The following SLC2A13 variants were observed in gnomAD, a reference collection of about 807,000 sequenced individuals.
SLC2A13 encodes the protein proton myo-inositol cotransporter.
A neutral mutation model predicts 64.4 loss-of-function variants in SLC2A13; 32 were observed. The observed-to-expected ratio is 0.50, with a 90% CI of 0.37 to 0.67. SLC2A13 has a LOEUF of 0.67. Among genes scored for constraint, SLC2A13 ranks in the 30% least tolerant of loss-of-function variants. The pLI is 0.00. For synonymous variants in SLC2A13, 338 were observed against 327.1 expected (o/e 1.03, Z -0.36); for missense variants, 743 against 829.2 (o/e 0.90, Z 1.28).
chr12:40,065,421 GAA>G (rs67773532), intron 1 of SLC2A13, among the ~76,000 whole-genome samples: 3 of 134,662 alleles, frequency 2.2e-5, no homozygotes, highest in Admixed American at 1.5e-4. Flanking sequence ...ATCTTTACAA[GAA>G]AAAAAAAAAA....
intron 6 of SLC2A13, among the ~76,000 whole-genome samples, chr12:39,859,259 A>C (rs1028206387): frequency 6.8e-6 from 1 of 146,372 alleles, no homozygotes; most frequent in African/African-American, 2.6e-5. Flanking sequence ...ATGTTCAAGA[A>C]GCAAAAAACA....
At position 39,951,317 on chromosome 12, in the gene SLC2A13, G is replaced by A; in HGVS notation, c.974C>T (p.Ala325Val). The change falls in exon 4 of 10, where the codon GCT (alanine) becomes GTT (valine). Residue 325 changes from alanine to valine, a missense_variant. Ala to Val is a moderately conservative substitution (Grantham distance 64). Coordinates refer to ENST00000280871, the MANE Select transcript of SLC2A13 (RefSeq NM_052885.4). ...RMLSYPPTRR[A>V]LIVGCGLQMF... ...TTGTAGGCCACAACCCACAATTAAA[G>A]CTCGGCGAGTTGGGGGATAACTCAG... The A allele has an allele frequency of 6.2e-7, 1 of 1,611,778 alleles. No homozygotes were observed. The highest frequency in any genetic ancestry group is 8.5e-7 in the Non-Finnish European group (1 of 1,178,752).
At chr12:39,804,757 T>C (rs1941912045) in intron 7 of SLC2A13, among the ~76,000 whole-genome samples, 1 of 152,116 alleles carries the variant, frequency 6.6e-6, no homozygotes, top group Non-Finnish European at 1.5e-5. Flanking sequence ...GGAGCTTACA[T>C]TCTAGAAAAT....
chr12:39,757,481 A>C lies in SLC2A13; in HGVS notation c.*2545T>G. The C allele has an allele frequency of 6.6e-6, 1 of 151,794 alleles. No individual in the cohort carries two copies. Among genetic ancestry groups the C allele is most frequent in the Non-Finnish European group, 1.5e-5 (1 of 67,700 alleles). The allele number at this position is 151,794 out of a possible 1,614,324, so 9.4% of individuals were successfully genotyped here. The stretch of plus-strand genomic sequence containing the variant: ...AAACATTTAATTTTTAATATACTAT[A>C]AATGTTCACCAAATCTAAAAATAAT... On this transcript the variant is annotated 3_prime_UTR_variant, in exon 10 of 10. Coordinates refer to ENST00000280871, the MANE Select transcript of SLC2A13 (RefSeq NM_052885.4).
chr12:39,788,496 A>G (rs551274366), intron 7 of SLC2A13: 1 of 152,204 alleles, frequency 6.6e-6, no homozygotes, highest in Non-Finnish European at 1.5e-5. Flanking sequence ...AGATGATTTC[A>G]TCACACTACT....
intron 1 of SLC2A13, among the ~76,000 whole-genome samples, chr12:40,081,330 T>A (rs949867260): frequency 4.6e-5 from 7 of 152,238 alleles, no homozygotes; most frequent in African/African-American, 1.4e-4. Flanking sequence ...CTTTCTCGAA[T>A]GTAAATGAGT....
At chr12:39,948,527 A>T (rs1341388579) in intron 4 of SLC2A13, among the ~76,000 whole-genome samples, 3 of 152,126 alleles carry the variant, frequency 2.0e-5, no homozygotes, top group Admixed American at 2.0e-4. Flanking sequence ...ATATAACACA[A>T]CTGTGAGGAT....
chr12:39,783,292 C>T lies in SLC2A13; in HGVS notation c.1446-18434G>A, dbSNP rs150877829. On this transcript the variant is annotated intron_variant, in intron 7 of 9. Transcript: ENST00000280871. Reference sequence around the variant, plus strand: ...TCACTGATGGACATTTGGGTTGGTTCCAAGTCTTTGCTATTGTGAATAGTG... The same window carrying T: ...TCACTGATGGACATTTGGGTTGGTTTCAAGTCTTTGCTATTGTGAATAGTG... Among the ~76,000 whole-genome samples, 518 of 152,298 alleles carry T rather than the reference C, an allele frequency of 3.4e-3. 7 individuals are homozygous for T. Among genetic ancestry groups the T allele is most frequent in the African/African-American group, 0.012 (504 of 41,546 alleles).
intron 3 of SLC2A13, among the ~76,000 whole-genome samples, chr12:39,995,502 G>T (rs1394807596): frequency 2.0e-5 from 3 of 152,092 alleles, no homozygotes; most frequent in African/African-American, 7.2e-5. Context: ...ACATGTGCAT[G>T]TCACTTAAAG....
chr12:39,988,635 G>A (rs28370632), intron 3 of SLC2A13, among the ~76,000 whole-genome samples: 2 of 136,712 alleles, frequency 1.5e-5, no homozygotes, highest in Non-Finnish European at 3.1e-5. Context: ...GGAGGAGGAG[G>A]GGGAGGAGAG....
intron 1 of SLC2A13, among the ~76,000 whole-genome samples, chr12:40,073,386 A>AGT (rs1181257947): frequency 6.6e-6 from 1 of 152,134 alleles, no homozygotes; most frequent in Non-Finnish European, 1.5e-5. Flanking sequence ...AGTATAGACA[A>AGT]GTATATATAT....
chr12:39,823,997 C>T (rs933250437), intron 7 of SLC2A13, among the ~76,000 whole-genome samples: 2 of 152,092 alleles, frequency 1.3e-5, no homozygotes, highest in Non-Finnish European at 2.9e-5. Flanking sequence ...ACTGGAACAT[C>T]ATATCCTCTC....
intron 7 of SLC2A13, 51 bp from the exon 8 acceptor site, chr12:39,764,909 G>A (rs1472652144): frequency 6.3e-7 from 1 of 1,576,900 alleles, no homozygotes; most frequent in Non-Finnish European, 8.6e-7. Context: ...GACTACAGTT[G>A]CAGAAATTCA....
intron 7 of SLC2A13, among the ~76,000 whole-genome samples, chr12:39,822,949 T>C (rs988778061): frequency 3.9e-5 from 6 of 152,196 alleles, no homozygotes; most frequent in African/African-American, 1.4e-4. Flanking sequence ...AGTGTTTTGG[T>C]CTTTTGATTT....
chr12:39,897,519 C>A (rs1426095491), intron 4 of SLC2A13, among the ~76,000 whole-genome samples: 1 of 152,138 alleles, frequency 6.6e-6, no homozygotes, highest in Non-Finnish European at 1.5e-5. Flanking sequence ...AGGTTAGGCA[C>A]CACTGTGTAA....
chr12:39,884,301 G>T (rs1944418556), intron 4 of SLC2A13, among the ~76,000 whole-genome samples: 1 of 152,090 alleles, frequency 6.6e-6, no homozygotes, highest in African/African-American at 2.4e-5. Flanking sequence ...AAGTTAAACA[G>T]ACGTGAAATT....
chr12:39,977,047 T>A (rs998539024), intron 3 of SLC2A13, among the ~76,000 whole-genome samples: 1 of 152,144 alleles, frequency 6.6e-6, no homozygotes, highest in East Asian at 1.9e-4. Flanking sequence ...GCTAAATGAC[T>A]GGATTTCATA....
intron 4 of SLC2A13, among the ~76,000 whole-genome samples, chr12:39,889,406 C>T (rs1157736932): frequency 6.6e-6 from 1 of 151,938 alleles, no homozygotes; most frequent in Non-Finnish European, 1.5e-5. Context: ...TAGCCTTATA[C>T]TCTAACAAAT....
intron 4 of SLC2A13, among the ~76,000 whole-genome samples, chr12:39,928,488 C>T (rs192995111): frequency 1.5e-4 from 23 of 152,234 alleles, no homozygotes; most frequent in Non-Finnish European, 2.9e-4. Context: ...CTCTACTGCA[C>T]AGAGTTAAAA....
Sources: allele counts gnomAD v4.1 joint callset (sites outside exome capture counted in the v4.1 genomes callset), GRCh38; gene constraint gnomAD v4.1.1; transcripts MANE v1.5; gene names NCBI Gene and HGNC (gene_info 2026-07-23, HGNC 2026-07-21).